MID2: variants seen among roughly 807,000 people sequenced by gnomAD.
The protein encoded by MID2 is midline 2.
A neutral mutation model predicts 46.1 loss-of-function variants in MID2; 13 were observed. The ratio of observed to expected loss-of-function variants is 0.28; its 90% confidence interval spans 0.18 to 0.45. MID2 has a LOEUF of 0.45. Among genes scored for constraint, MID2 ranks in the 20% least tolerant of loss-of-function variants. The probability of loss-of-function intolerance (pLI) is 1.00; values close to 1 mark genes in which losing one functional copy is unlikely to be tolerated. For synonymous variants in MID2, 199 were observed against 212.3 expected (o/e 0.94, Z 0.55); for missense variants, 431 against 575.4 (o/e 0.75, Z 2.57).
intron 1 of MID2, among the ~76,000 whole-genome samples, chrX:107,827,651 A>G (rs934876397): frequency 1.8e-5 from 2 of 110,637 alleles, no homozygotes; most frequent in African/African-American, 6.6e-5. Context: ...TTCCAATAGA[A>G]GGGAGTTGCT....
chrX:107,917,228 T>C (rs760069377), intron 6 of MID2, among the ~76,000 whole-genome samples: 56 of 111,820 alleles, frequency 5.0e-4, no homozygotes, highest in Non-Finnish European at 5.6e-5. Context: ...AATGTCTACA[T>C]AAGTGTTTAT....
intron 7 of MID2, among the ~76,000 whole-genome samples, chrX:107,921,518 T>C: frequency 9.0e-6 from 1 of 111,284 alleles, no homozygotes; most frequent in East Asian, 2.8e-4. Context: ...CCCACCCTTG[T>C]TTTATTATCA....
At chrX:107,854,386 C>T (rs1419899303) in intron 2 of MID2, among the ~76,000 whole-genome samples, 1 of 112,314 alleles carries the variant, frequency 8.9e-6, no homozygotes, top group African/African-American at 3.2e-5. Context: ...ATTCCTACAT[C>T]CACAAAGTCA....
At chrX:107,873,603 C>G (rs1406548916) in intron 3 of MID2, among the ~76,000 whole-genome samples, 1 of 112,038 alleles carries the variant, frequency 8.9e-6, no homozygotes, top group Non-Finnish European at 1.9e-5. Flanking sequence ...TCTATTTCCA[C>G]AGGAGAATAT....
chrX:107,830,314 G>A (rs1433126431), intron 1 of MID2, among the ~76,000 whole-genome samples: 1 of 112,062 alleles, frequency 8.9e-6, no homozygotes, highest in African/African-American at 3.2e-5. Flanking sequence ...GTGTGTGTCT[G>A]CCATTCAATC....
At chrX:107,889,489 C>A (rs184705068) in intron 3 of MID2, among the ~76,000 whole-genome samples, 1 of 111,595 alleles carries the variant, frequency 9.0e-6, no homozygotes, top group Non-Finnish European at 1.9e-5. Flanking sequence ...CCGAGAGATC[C>A]GCTGTTAGTC....
intron 2 of MID2, among the ~76,000 whole-genome samples, chrX:107,843,403 A>C: frequency 8.9e-6 from 1 of 112,487 alleles, no homozygotes; most frequent in Middle Eastern, 4.7e-3. Context: ...CCAGGGATGG[A>C]TGGAACATGG....
intron 3 of MID2, among the ~76,000 whole-genome samples, chrX:107,901,481 A>G: frequency 8.9e-6 from 1 of 111,870 alleles, no homozygotes; most frequent in Non-Finnish European, 1.9e-5. Context: ...TTGAGTAACA[A>G]AGTGGACATG....
At chrX:107,838,827 C>T (rs750973759) in intron 1 of MID2, among the ~76,000 whole-genome samples, 7 of 112,274 alleles carry the variant, frequency 6.2e-5, no homozygotes, top group South Asian at 3.7e-4. Flanking sequence ...TTTTCTTGGG[C>T]TTGGCTCTGT....
chrX:107,915,623 G>T (rs1932957092), intron 5 of MID2, among the ~76,000 whole-genome samples: 1 of 110,872 alleles, frequency 9.0e-6, no homozygotes, highest in Non-Finnish European at 1.9e-5. Context: ...CTGACTTGCT[G>T]ACTAGCATAA....
chrX:107,889,790 C>T (rs1255300615), intron 3 of MID2, among the ~76,000 whole-genome samples: 2 of 111,960 alleles, frequency 1.8e-5, no homozygotes, highest in African/African-American at 6.5e-5. Flanking sequence ...CACATAGTCT[C>T]ATATTTTTTG....
At chrX:107,875,109 A>T (rs1932168042) in intron 3 of MID2, among the ~76,000 whole-genome samples, 1 of 112,000 alleles carries the variant, frequency 8.9e-6, no homozygotes, top group Non-Finnish European at 1.9e-5. Context: ...TCCCTGAGGT[A>T]ACACTGTCCA....
intron 3 of MID2, among the ~76,000 whole-genome samples, chrX:107,886,440 C>T (rs1323006607): frequency 2.7e-5 from 3 of 111,689 alleles, no homozygotes; most frequent in East Asian, 5.6e-4. Flanking sequence ...TGTAGATATG[C>T]GGCATTATTT....
intron 3 of MID2, among the ~76,000 whole-genome samples, chrX:107,864,000 T>C: frequency 8.9e-6 from 1 of 112,574 alleles, no homozygotes; most frequent in East Asian, 2.8e-4. Context: ...GTGAGGAACT[T>C]GAAGGCCAGA....
intron 5 of MID2, among the ~76,000 whole-genome samples, chrX:107,907,669 A>G (rs1476432743): frequency 6.3e-5 from 7 of 111,306 alleles, no homozygotes; most frequent in African/African-American, 2.0e-4. Context: ...ATCCCCTCCA[A>G]TTATCACCTG....
At position 107,865,768 on chromosome X, in the gene MID2, C is replaced by T. The variant is rs189377156; in HGVS notation, c.816+11064C>T. 1.9e-4 allele frequency among the ~76,000 whole-genome samples: 21 copies of T among 112,860 alleles called. No homozygotes were observed. The East Asian group carries it at 5.3e-3, about 28-fold the overall frequency. On this transcript the variant is annotated intron_variant, in intron 3 of 9. Coordinates refer to ENST00000262843, the MANE Select transcript of MID2 (RefSeq NM_012216.4). ...ATCAAAGGCACAAAACAATCACTGG[C>T]TTTGGAATAATTTCTAAACCAATAA...
chrX:107,909,832 A>C (rs1440336234), intron 5 of MID2, among the ~76,000 whole-genome samples: 1 of 112,429 alleles, frequency 8.9e-6, no homozygotes, highest in Non-Finnish European at 1.9e-5. Context: ...GATCTTTTGA[A>C]TATAACCTAT....
Position 107,880,921 on chromosome X carries a change from A to G in MID2, c.817-23037A>G, listed in dbSNP as rs142356828. ...TCACTGACATCGTTTTCTCACTGTT[A>G]TAAGTTTTGCAAAGGCGATTTCAAA... On this transcript the variant is annotated intron_variant, in intron 3 of 9. Coordinates refer to ENST00000262843, the MANE Select transcript of MID2 (RefSeq NM_012216.4). Among the ~76,000 whole-genome samples the G allele has an allele frequency of 4.1e-3, 467 of 113,059 alleles. 2 individuals carry two copies. The highest frequency in any genetic ancestry group is 0.014 in the African/African-American group (446 of 31,164).
intron 5 of MID2, among the ~76,000 whole-genome samples, chrX:107,907,784 C>G (rs775579014): frequency 1.8e-5 from 2 of 112,088 alleles, no homozygotes; most frequent in Non-Finnish European, 3.8e-5. Context: ...CCAAGTAATA[C>G]CTTGTGCATA....
Sources: gnomAD v4.1 joint callset for allele counts (sites outside exome capture counted in the v4.1 genomes callset) on GRCh38, gnomAD v4.1.1 for gene constraint, MANE v1.5 for transcripts, NCBI Gene and HGNC (gene_info 2026-07-23, HGNC 2026-07-21) for gene names.